Variants in ADRA1A observed in about 807,000 individuals in gnomAD.
ADRA1A encodes alpha-1A adrenergic receptor.
In ADRA1A, 31 loss-of-function variants were observed where a neutral mutation model predicts 29.6. The ratio of observed to expected loss-of-function variants is 1.05; its 90% CI spans 0.79 to 1.41. ADRA1A has a LOEUF of 1.41. Among genes scored for constraint, ADRA1A ranks in the 40% most tolerant of loss-of-function variants. The pLI is 0.00. For synonymous variants in ADRA1A, 311 were observed against 254.3 expected (o/e 1.22, Z -2.12); for missense variants, 619 against 601.1 (o/e 1.03, Z -0.31).
chr8:26,816,123 G>A (rs535743893), intron 2 of ADRA1A, among the ~76,000 whole-genome samples: 61 of 152,296 alleles, frequency 4.0e-4, no homozygotes, highest in Admixed American at 3.3e-3. Flanking sequence ...GGCGTGGGGA[G>A]GAGCAGCCCT....
At chr8:26,780,343 C>T (rs1281471780) in intron 2 of ADRA1A, among the ~76,000 whole-genome samples, 43 of 152,102 alleles carry the variant, frequency 2.8e-4, no homozygotes, top group Admixed American at 2.8e-3. Context: ...GTTTCCAACA[C>T]CAAGGCTTTC....
chr8:26,783,401 T>C (rs576694890), intron 2 of ADRA1A, among the ~76,000 whole-genome samples: 1 of 152,306 alleles, frequency 6.6e-6, no homozygotes, highest in East Asian at 1.9e-4. Context: ...GCATCTTTTG[T>C]TCACTAGGAT....
chr8:26,811,999 T>C (rs1288486714), intron 2 of ADRA1A, among the ~76,000 whole-genome samples: 1 of 152,198 alleles, frequency 6.6e-6, no homozygotes, highest in Admixed American at 6.5e-5. Context: ...ATATTACAAA[T>C]AAAGCAGCCA....
chr8:26,770,791 A>T, intron 2 of ADRA1A, 125 bp from the exon 3 acceptor site: 1 of 1,344,228 alleles, frequency 7.4e-7, no homozygotes, highest in Non-Finnish European at 9.8e-7. Flanking sequence ...AACACATATG[A>T]GTTTCTCACA....
At chr8:26,850,025 C>CAAAAAAAAAAAAAAA (rs141672591) in intron 2 of ADRA1A, among the ~76,000 whole-genome samples, 69 of 121,454 alleles carry the variant, frequency 5.7e-4, no homozygotes, top group Non-Finnish European at 9.2e-4. Flanking sequence ...GAGAGAAATG[C>CAAAAAAAAAAAAAAA]AAAAACAAAA....
chr8:26,849,114 G>C (rs1288016783), intron 2 of ADRA1A, among the ~76,000 whole-genome samples: 1 of 152,204 alleles, frequency 6.6e-6, no homozygotes, highest in African/African-American at 2.4e-5. Flanking sequence ...GAAAGCCAAA[G>C]TTCATAAGCC....
chr8:26,789,620 A>G (rs776129606), intron 2 of ADRA1A, among the ~76,000 whole-genome samples: 1 of 152,236 alleles, frequency 6.6e-6, no homozygotes, highest in African/African-American at 2.4e-5. Context: ...TTAATAAACA[A>G]GACCTCAAAA....
rs1245311685 is a variant in ADRA1A, at chr8:26,864,801, G to GGT, written c.167_168dup (p.Leu57ThrfsTer34). 1.9e-6 allele frequency: 3 copies of GGT among 1,614,192 alleles called. No individual in the cohort carries two copies. Among genetic ancestry groups the GGT allele is most frequent in the Non-Finnish European group, 2.5e-6 (3 of 1,180,038 alleles). On this transcript the variant is annotated frameshift_variant, in exon 2 of 3. Transcript: ENST00000380573. LOFTEE classifies it high-confidence loss of function. This position sits in a 1 kb window ranked among gnomAD's most constrained non-coding sequence, Gnocchi z 8.1. ...ATGTAGTAGTGCGTGACTGAGTGCA[G>GGT]GTGTCGGTGACAGGCTACGGAGAGG... is the stretch of plus-strand genomic sequence containing the variant.
intron 2 of ADRA1A, among the ~76,000 whole-genome samples, chr8:26,793,069 A>C (rs1245186947): frequency 1.3e-5 from 2 of 151,972 alleles, no homozygotes; most frequent in Non-Finnish European, 2.9e-5. Flanking sequence ...TAATATTAGT[A>C]TTAAACAAAG....
intron 2 of ADRA1A, among the ~76,000 whole-genome samples, chr8:26,849,183 A>G (rs985149545): frequency 6.6e-6 from 1 of 152,218 alleles, no homozygotes; most frequent in Admixed American, 6.5e-5. Flanking sequence ...TGAATAAAAA[A>G]CTGATGAATC....
intron 2 of ADRA1A, among the ~76,000 whole-genome samples, chr8:26,834,885 G>T (rs1563292073): frequency 6.6e-6 from 1 of 152,088 alleles, no homozygotes; most frequent in Non-Finnish European, 1.5e-5. Flanking sequence ...TTGTTTCCTG[G>T]GATTTTTGAT....
rs989496539 is a variant in ADRA1A, at chr8:26,841,551, G to A, written c.883+22536C>T. ...GACCCTTGGTGGAGCCCTTGATGGCGACAGCACAATCTTTCATCCCTTTGC... is the reference window on the plus strand; with the variant it reads ...GACCCTTGGTGGAGCCCTTGATGGCAACAGCACAATCTTTCATCCCTTTGC... On this transcript the variant is annotated intron_variant, in intron 2 of 2. Transcript: ENST00000380573. This position sits in a 1 kb window ranked among gnomAD's most constrained non-coding sequence, Gnocchi z 4.4. Among the ~76,000 whole-genome samples, 1 of 152,138 alleles carries A rather than the reference G, an allele frequency of 6.6e-6. No homozygotes were observed. The highest frequency in any genetic ancestry group is 6.5e-5 in the Admixed American group (1 of 15,276).
chr8:26,789,201 A>G (rs1807633944), intron 2 of ADRA1A, among the ~76,000 whole-genome samples: 1 of 152,138 alleles, frequency 6.6e-6, no homozygotes, highest in African/African-American at 2.4e-5. Flanking sequence ...CCAAATGGCC[A>G]AAGCAATCCT....
intron 2 of ADRA1A, among the ~76,000 whole-genome samples, chr8:26,783,455 A>C (rs985888226): frequency 6.6e-6 from 1 of 152,220 alleles, no homozygotes; most frequent in African/African-American, 2.4e-5. Flanking sequence ...ATTTAATTTT[A>C]AGAAATAAAT....
Position 26,815,216 on chromosome 8 carries a change from A to G in ADRA1A, c.884-44550T>C, listed in dbSNP as rs1178959854. The stretch of plus-strand genomic sequence containing the variant: ...AATAGGATAACAGTCTTAAATAGAT[A>G]CTTGAAATCACATGCAGATTTCCTT... On this transcript the variant is annotated intron_variant, in intron 2 of 2. Coordinates refer to ENST00000380573, the MANE Select transcript of ADRA1A (RefSeq NM_000680.4). The surrounding 1 kb of genome is among the most constrained non-coding windows in gnomAD (Gnocchi z 4.2). 6.6e-6 allele frequency among the ~76,000 whole-genome samples: 1 copy of G among 152,252 alleles called. No homozygotes were observed. Among genetic ancestry groups the G allele is most frequent in the African/African-American group, 2.4e-5 (1 of 41,478 alleles).
rs1208847758 is a variant in ADRA1A, at chr8:26,848,131, G to A, written c.883+15956C>T. Among the ~76,000 whole-genome samples the A allele has an allele frequency of 1.3e-5, 2 of 152,210 alleles. No individual in the cohort carries two copies. Among genetic ancestry groups the A allele is most frequent in the African/African-American group, 4.8e-5 (2 of 41,450 alleles). ...CCTTTCCTCTGTTACAGGGAAGGCA[G>A]CCAGGCAGCTCCTGCAAGATGTCAC... On this transcript the variant is annotated intron_variant, in intron 2 of 2. Transcript: ENST00000380573. The surrounding 1 kb of genome is among the most constrained non-coding windows in gnomAD (Gnocchi z 4.3).
At chr8:26,772,859 TCACA>T (rs71553824) in intron 2 of ADRA1A, among the ~76,000 whole-genome samples, 48 of 102,692 alleles carry the variant, frequency 4.7e-4, no homozygotes, top group Non-Finnish European at 2.4e-4. Context: ...TGTCTCAAAT[TCACA>T]CACACACACA....
intron 2 of ADRA1A, among the ~76,000 whole-genome samples, chr8:26,842,043 C>T (rs1034967429): frequency 6.6e-6 from 1 of 152,100 alleles, no homozygotes. Flanking sequence ...ATTTTCTATT[C>T]CCATGACTCT....
intron 2 of ADRA1A, among the ~76,000 whole-genome samples, chr8:26,850,227 G>C (rs930668293): frequency 4.0e-5 from 6 of 151,770 alleles, no homozygotes; most frequent in African/African-American, 1.5e-4. Context: ...TAATTTAATA[G>C]AGAAAAAAAT....
Sources: gnomAD v4.1 joint callset for allele counts (sites outside exome capture counted in the v4.1 genomes callset) on GRCh38, gnomAD v4.1.1 for gene constraint, Gnocchi (gnomAD v3.1) non-coding constraint, MANE v1.5 for transcripts, NCBI Gene and HGNC (gene_info 2026-07-23, HGNC 2026-07-21) for gene names.